Variants in PTPRD observed in about 807,000 individuals in gnomAD.
PTPRD encodes the protein protein tyrosine phosphatase receptor type D.
Under a neutral mutation model 214.5 loss-of-function variants are expected in PTPRD, and 34 were observed. The ratio of observed to expected loss-of-function variants is 0.16; its 90% CI spans 0.12 to 0.21. The LOEUF (loss-of-function observed/expected upper bound fraction) is 0.21, where lower values mean the gene tolerates loss of function less well. PTPRD is among the 10% of genes least tolerant of loss of function. The pLI is 1.00. For synonymous variants in PTPRD, 1,128 were observed against 845.7 expected (o/e 1.33, Z -5.79); for missense variants, 2,545 against 2,398.7 (o/e 1.06, Z -1.27).
chr9:9,571,772 A>C (rs2086498035), intron 8 of PTPRD, among the ~76,000 whole-genome samples: 1 of 151,082 alleles, frequency 6.6e-6, no homozygotes, highest in Non-Finnish European at 1.5e-5. Context: ...TAATAGATAC[A>C]TTAAATTATT....
chr9:9,995,475 G>A (rs921807853), intron 4 of PTPRD, among the ~76,000 whole-genome samples: 9 of 152,080 alleles, frequency 5.9e-5, no homozygotes, highest in African/African-American at 2.2e-4. Flanking sequence ...TCTCCCTCAC[G>A]GACATATGTG....
At chr9:9,988,334 A>G (rs1323517904) in intron 4 of PTPRD, among the ~76,000 whole-genome samples, 4 of 152,116 alleles carry the variant, frequency 2.6e-5, no homozygotes, top group African/African-American at 4.8e-5. Context: ...TGTTTTCTCT[A>G]TCAGAAGTTC....
chr9:8,688,298 G>A (rs1248064373), intron 12 of PTPRD, among the ~76,000 whole-genome samples: 1 of 152,188 alleles, frequency 6.6e-6, no homozygotes, highest in Non-Finnish European at 1.5e-5. Context: ...CAGGCGTGGT[G>A]GCTGACGCCT....
chr9:9,522,908 C>T (rs908894632), intron 8 of PTPRD, among the ~76,000 whole-genome samples: 3 of 152,094 alleles, frequency 2.0e-5, no homozygotes, highest in Non-Finnish European at 2.9e-5. Flanking sequence ...AACCTGAAAA[C>T]ACAGCTGCTT....
Position 8,682,877 on chromosome 9 carries a change from G to C in PTPRD, c.65-46033C>G, listed in dbSNP as rs148677166. Among the ~76,000 whole-genome samples the C allele has an allele frequency of 2.0e-5, 3 of 151,996 alleles. No individual in the cohort carries two copies. The East Asian group carries it at 5.8e-4, about 29-fold the overall frequency. ...TTTTGCTGTTCCTTTCTGAGTTGTT[G>C]TTTATTTTTTTGTAAGCGAGTTTCT... On this transcript the variant is annotated intron_variant, in intron 12 of 45. Transcript: ENST00000381196.
chr9:8,827,861 G>C (rs1037170930), intron 11 of PTPRD, among the ~76,000 whole-genome samples: 22 of 152,090 alleles, frequency 1.4e-4, no homozygotes, highest in African/African-American at 4.8e-4. Flanking sequence ...CTATTGAAAA[G>C]AACAGGCCTG....
intron 2 of PTPRD, among the ~76,000 whole-genome samples, chr9:10,355,178 T>C (rs1448302220): frequency 6.6e-6 from 1 of 152,204 alleles, no homozygotes; most frequent in Non-Finnish European, 1.5e-5. Context: ...TTTTTTCATA[T>C]AATTTAAGTT....
intron 5 of PTPRD, among the ~76,000 whole-genome samples, chr9:9,789,130 G>A (rs1454914230): frequency 1.3e-5 from 2 of 152,220 alleles, no homozygotes; most frequent in Non-Finnish European, 2.9e-5. Context: ...AGTATTTATT[G>A]TAGTCTACTT....
chr9:10,570,052 T>C (rs1253364635), intron 2 of PTPRD, among the ~76,000 whole-genome samples: 1 of 152,140 alleles, frequency 6.6e-6, no homozygotes, highest in Non-Finnish European at 1.5e-5. Context: ...TTGTCAAATG[T>C]ATAAAGTGTA....
At chr9:9,275,897 G>C (rs554607720) in intron 9 of PTPRD, among the ~76,000 whole-genome samples, 1 of 151,192 alleles carries the variant, frequency 6.6e-6, no homozygotes, top group East Asian at 2.0e-4. Context: ...ATACTAGAAT[G>C]TCCCCAGGCC....
At chr9:8,451,817 T>C (rs4742506) in intron 33 of PTPRD, 341,383 of 455,644 alleles carry the variant, frequency 0.75, 128,961 homozygotes, top group East Asian at 0.86. Flanking sequence ...CCCTTCCCAT[T>C]GTGGCTCTGC....
intron 7 of PTPRD, among the ~76,000 whole-genome samples, chr9:9,622,903 G>A (rs1289954081): frequency 6.6e-6 from 1 of 152,118 alleles, no homozygotes; most frequent in African/African-American, 2.4e-5. Flanking sequence ...AATGCCATGA[G>A]TATACAGCCT....
chr9:9,056,437 G>A (rs779654316), intron 10 of PTPRD, among the ~76,000 whole-genome samples: 5 of 152,178 alleles, frequency 3.3e-5, no homozygotes, highest in African/African-American at 4.8e-5. Context: ...TCAGTGTGAA[G>A]TAAGTGCTGA....
chr9:9,489,165 G>A (rs925243011), intron 8 of PTPRD, among the ~76,000 whole-genome samples: 2 of 152,086 alleles, frequency 1.3e-5, no homozygotes, highest in African/African-American at 4.8e-5. Flanking sequence ...TGTATGCCCA[G>A]GAAATGACAT....
chr9:9,672,729 C>G (rs60385953), intron 7 of PTPRD, among the ~76,000 whole-genome samples: 1 of 151,828 alleles, frequency 6.6e-6, no homozygotes, highest in African/African-American at 2.4e-5. Flanking sequence ...AGTTTCACTA[C>G]TGAGAAAACA....
At chr9:10,114,440 G>C (rs1387878171) in intron 3 of PTPRD, among the ~76,000 whole-genome samples, 1 of 151,940 alleles carries the variant, frequency 6.6e-6, no homozygotes, top group Non-Finnish European at 1.5e-5. Flanking sequence ...AGCTAGACAG[G>C]ACCAATACCT....
chr9:9,123,671 C>T (rs1231564653), intron 10 of PTPRD, among the ~76,000 whole-genome samples: 3 of 152,016 alleles, frequency 2.0e-5, no homozygotes, highest in Admixed American at 1.3e-4. Flanking sequence ...TCGAGTGAAA[C>T]CTTGGGTATT....
In PTPRD at chr9:8,321,530, A is replaced by T. The variant is rs1407353174; in HGVS notation, c.5535-1564T>A. Among the ~76,000 whole-genome samples, 387 of 95,946 alleles carry T rather than the reference A, an allele frequency of 4.0e-3. 5 individuals are homozygous for T. The highest frequency in any genetic ancestry group is 0.013 in the African/African-American group (376 of 28,894). 62.9% of individuals were successfully genotyped at this position (95,946 alleles called of 152,430 possible). A position where few individuals can be genotyped will look rare whatever the true frequency, so the allele number is the denominator to read the frequency against. ...ATATATATATATATATATATATAAAAGGTATATGCATCGCAATTCCTTTAG... is the reference window on the plus strand; with the variant it reads ...ATATATATATATATATATATATAAATGGTATATGCATCGCAATTCCTTTAG... On this transcript the variant is annotated intron_variant, in intron 44 of 45. Transcript: ENST00000381196.
chr9:9,613,243 T>C (rs2094636849), intron 7 of PTPRD, among the ~76,000 whole-genome samples: 1 of 147,346 alleles, frequency 6.8e-6, no homozygotes, highest in Non-Finnish European at 1.5e-5. Context: ...ATAAACAATT[T>C]AAATATTAAA....
Sources: allele counts gnomAD v4.1 joint callset (sites outside exome capture counted in the v4.1 genomes callset), GRCh38; gene constraint gnomAD v4.1.1; transcripts MANE v1.5; gene names NCBI Gene and HGNC (gene_info 2026-07-23, HGNC 2026-07-21).